The following C5AR1 variants were observed in gnomAD, a reference collection of about 807,000 sequenced individuals.
The protein encoded by C5AR1 is C5a anaphylatoxin chemotactic receptor 1.
A neutral mutation model predicts 2.4 loss-of-function variants in C5AR1; 4 were observed. The ratio of observed to expected loss-of-function variants is 1.65; its 90% CI spans 0.81 to 3.77. The LOEUF is 3.77. Among genes scored for constraint, C5AR1 ranks in the 30% most tolerant of loss-of-function variants. The pLI is 0.01. For missense variants in C5AR1, 418 were observed against 462.5 expected, an observed-to-expected ratio of 0.90 and a Z score of 0.88; for synonymous variants, 209 against 210.4, an observed-to-expected ratio of 0.99 and a Z score of 0.06.
chr19:47,307,849 T>C (rs1157027502), upstream of C5AR1: 1 of 152,032 alleles, frequency 6.6e-6, no homozygotes, highest in Non-Finnish European at 1.5e-5. Flanking sequence ...TCATCTGTAT[T>C]TATAGCCACG....
At chr19:47,315,885 A>G (rs1023378657) in intron 1 of C5AR1, among the ~76,000 whole-genome samples, 1 of 152,132 alleles carries the variant, frequency 6.6e-6, no homozygotes, top group Non-Finnish European at 1.5e-5. Flanking sequence ...AGGCTCATAT[A>G]CATATACATT....
chr19:47,315,030 A>G (rs2122133996), intron 1 of C5AR1, among the ~76,000 whole-genome samples: 2 of 152,136 alleles, frequency 1.3e-5, no homozygotes, highest in South Asian at 4.2e-4. Flanking sequence ...ACATCATTAT[A>G]TAAACATTCT....
intron 1 of C5AR1, among the ~76,000 whole-genome samples, chr19:47,317,747 C>A (rs1033781449): frequency 6.6e-6 from 1 of 151,860 alleles, no homozygotes; most frequent in African/African-American, 2.4e-5. Flanking sequence ...TTTTGGGAGG[C>A]CAAGGCAGGC....
rs1439504255 is a variant in C5AR1, at chr19:47,320,888, CTCT to C, written c.*60_*62del. On this transcript the variant is annotated 3_prime_UTR_variant, in exon 2 of 2. Transcript: ENST00000355085. The surrounding 1 kb of genome is among the most constrained non-coding windows in gnomAD (Gnocchi z 4.9). ...TCCCCTTCCTTCCCGGCCATTCTCC[CTCT>C]TGTTTTCACTTCACTTTTCGTGGGA... The C allele has an allele frequency of 6.8e-7, 1 of 1,464,938 alleles. No homozygotes were observed. Among genetic ancestry groups the C allele is most frequent in the African/African-American group, 1.4e-5 (1 of 70,900 alleles). The allele number at this position is 1,464,938 out of a possible 1,614,324, so 90.7% of individuals were successfully genotyped here. A position where few individuals can be genotyped will look rare whatever the true frequency, so the allele number is the denominator to read the frequency against.
At chr19:47,314,049 C>G (rs990477779) in intron 1 of C5AR1, among the ~76,000 whole-genome samples, 23 of 152,158 alleles carry the variant, frequency 1.5e-4, no homozygotes, top group Non-Finnish European at 3.1e-4. Context: ...TTGCGGCCAG[C>G]ACCCTTGTCT....
At chr19:47,318,474 A>G (rs1320689909) in intron 1 of C5AR1, among the ~76,000 whole-genome samples, 1 of 151,682 alleles carries the variant, frequency 6.6e-6, no homozygotes, top group African/African-American at 2.4e-5. Flanking sequence ...TTGTATTTTT[A>G]GTAGAGACGG....
intron 1 of C5AR1, 146 bp from the exon 2 acceptor site, chr19:47,319,635 C>T (rs971958908): frequency 1.1e-5 from 7 of 626,874 alleles, no homozygotes; most frequent in Admixed American, 2.8e-5. Flanking sequence ...GGTGTGACAC[C>T]CTAGTTGACT....
chr19:47,310,828 G>A (rs2059267340), intron 1 of C5AR1, among the ~76,000 whole-genome samples: 1 of 152,188 alleles, frequency 6.6e-6, no homozygotes, highest in South Asian at 2.1e-4. Context: ...CAGAGATGGG[G>A]AAACTGAGGC....
intron 1 of C5AR1, among the ~76,000 whole-genome samples, chr19:47,310,767 G>A (rs777013317): frequency 3.3e-5 from 5 of 152,214 alleles, no homozygotes; most frequent in Non-Finnish European, 7.3e-5. Flanking sequence ...AAAGCTCTGG[G>A]ATTACTGGCA....
chr19:47,311,893 C>T (rs899944949), intron 1 of C5AR1, among the ~76,000 whole-genome samples: 2 of 151,984 alleles, frequency 1.3e-5, no homozygotes, highest in African/African-American at 4.8e-5. Flanking sequence ...TGCCTCCTAC[C>T]CTACCTGGGG....
intron 1 of C5AR1, among the ~76,000 whole-genome samples, chr19:47,315,483 T>G (rs1288658453): frequency 1.3e-5 from 2 of 152,028 alleles, no homozygotes; most frequent in African/African-American, 4.8e-5. Flanking sequence ...GAGCAGAGGG[T>G]GGGGAGGCTC....
chr19:47,309,924 A>G (rs2059264702), intron 1 of C5AR1, 26 bp downstream of exon 1: 10 of 1,608,604 alleles, frequency 6.2e-6, no homozygotes, highest in African/African-American at 4.0e-5. Context: ...GAATGGGAGC[A>G]GGAAACTTTG....
chr19:47,320,128 G>A lies in C5AR1; in HGVS notation c.351G>A (p.Leu117=). ...AACSILPSLI[L]LNMYASILLL... ...GCAGCATCCTGCCCTCCCTCATCCTGCTCAACATGTACGCCAGCATCCTGC... is the reference window on the plus strand; with the variant it reads ...GCAGCATCCTGCCCTCCCTCATCCTACTCAACATGTACGCCAGCATCCTGC... Residue 117 remains leucine (L), a synonymous_variant, in exon 2 of 2, where the codon CTG becomes CTA. Transcript: ENST00000355085. The surrounding 1 kb of genome is among the most constrained non-coding windows in gnomAD (Gnocchi z 4.9). The A allele has an allele frequency of 6.2e-7, 1 of 1,614,114 alleles. No individual in the cohort carries two copies.
chr19:47,317,692 G>T (rs1265607056), intron 1 of C5AR1, among the ~76,000 whole-genome samples: 3 of 150,776 alleles, frequency 2.0e-5, no homozygotes, highest in African/African-American at 7.3e-5. Flanking sequence ...TTTAAAGGTA[G>T]AAAAACCAGG....
rs150999349 is a variant in C5AR1 at position 47,320,212 on chromosome 19, G to T, written c.435G>T (p.Gln145His). 1,536 of 1,614,192 alleles carry T rather than the reference G, an allele frequency of 9.5e-4. 1 individual carries two copies. Among genetic ancestry groups the T allele is most frequent in the Non-Finnish European group, 1.2e-3 (1,448 of 1,180,036 alleles). ...FLLVFKPIWCQNFRGAGLAWI... is the reference protein window; with the variant it reads ...FLLVFKPIWCHNFRGAGLAWI... ...TGGTGTTTAAACCCATCTGGTGCCA[G>T]AACTTCCGAGGGGCTGGCTTGGCCT... The change falls in exon 2 of 2, where the codon CAG becomes CAT. Residue 145 changes from glutamine (Q) to histidine (H), a missense_variant. By Grantham distance (24) the Gln-to-His change is conservative (BLOSUM62 0). Coordinates refer to ENST00000355085, the MANE Select transcript of C5AR1 (RefSeq NM_001736.4). The surrounding 1 kb of genome is among the most constrained non-coding windows in gnomAD (Gnocchi z 4.9).
At chr19:47,319,157 A>G (rs1599731789) in intron 1 of C5AR1, among the ~76,000 whole-genome samples, 1 of 149,978 alleles carries the variant, frequency 6.7e-6, no homozygotes, top group African/African-American at 2.4e-5. Flanking sequence ...GTGCTGGATT[A>G]CAGGTGTGAG....
At position 47,320,251 on chromosome 19, in the gene C5AR1, C is replaced by T. The variant is rs199846456; in HGVS notation, c.474C>T (p.Ala158=). The T allele has an allele frequency of 3.4e-5, 55 of 1,613,820 alleles. No individual in the cohort carries two copies. Among genetic ancestry groups the T allele is most frequent in the Non-Finnish European group, 4.2e-5 (49 of 1,180,046 alleles). Residue 158 remains alanine, a synonymous_variant, in exon 2 of 2, where the codon GCC becomes GCT. Coordinates refer to ENST00000355085, the MANE Select transcript of C5AR1 (RefSeq NM_001736.4). This position sits in a 1 kb window ranked among gnomAD's most constrained non-coding sequence, Gnocchi z 4.9. ...CTGGCTTGGCCTGGATCGCCTGTGC[C>T]GTGGCTTGGGGTTTAGCCCTGCTGC... ...RGAGLAWIAC[A]VAWGLALLLT...
upstream of C5AR1, among the ~76,000 whole-genome samples, chr19:47,308,712 C>T (rs1198075517): frequency 2.6e-5 from 4 of 151,626 alleles, no homozygotes; most frequent in Non-Finnish European, 5.9e-5. Flanking sequence ...CCCACCACCA[C>T]GCCTGGCTAA....
At chr19:47,316,894 C>A (rs1270649162) in intron 1 of C5AR1, among the ~76,000 whole-genome samples, 1 of 151,190 alleles carries the variant, frequency 6.6e-6, no homozygotes, top group African/African-American at 2.4e-5. Context: ...AAAAACAAAA[C>A]TATCCAGGCA....
Sources: gnomAD v4.1 joint callset for allele counts (sites outside exome capture counted in the v4.1 genomes callset) on GRCh38, gnomAD v4.1.1 for gene constraint, Gnocchi (gnomAD v3.1) non-coding constraint, MANE v1.5 for transcripts, NCBI Gene and HGNC (gene_info 2026-07-23, HGNC 2026-07-21) for gene names.